The following EDNRB variants were observed in gnomAD, a reference collection of about 807,000 sequenced individuals.
EDNRB encodes the protein Hirschsprung disease 2.
EDNRB carries 18 observed loss-of-function variants against 46.4 expected under a neutral mutation model. The observed-to-expected ratio is 0.39, with a 90% CI of 0.27 to 0.57. EDNRB has a LOEUF of 0.57. Among genes scored for constraint, EDNRB ranks in the 20% least tolerant of loss-of-function variants. The probability of loss-of-function intolerance (pLI) is 0.61; values close to 1 mark genes in which losing one functional copy is unlikely to be tolerated. For synonymous variants in EDNRB, 213 were observed against 204.9 expected (o/e 1.04, Z -0.34); for missense variants, 434 against 537.5 (o/e 0.81, Z 1.90).
At chr13:77,904,564 T>C (rs1879175716) in intron 1 of EDNRB, among the ~76,000 whole-genome samples, 1 of 152,088 alleles carries the variant, frequency 6.6e-6, no homozygotes, top group South Asian at 2.1e-4. Flanking sequence ...GAAGACATAG[T>C]TATTGCTATT....
intron 1 of EDNRB, among the ~76,000 whole-genome samples, chr13:77,941,690 T>G (rs1396898426): frequency 2.2e-4 from 7 of 31,376 alleles, no homozygotes; most frequent in Non-Finnish European, 4.5e-4. Context: ...GGATGAGGAG[T>G]GGTGGTGATG....
At chr13:77,902,632 T>C (rs967880638) in intron 3 of EDNRB, among the ~76,000 whole-genome samples, 1 of 151,894 alleles carries the variant, frequency 6.6e-6, no homozygotes, top group African/African-American at 2.4e-5. Flanking sequence ...CTGCTCTTTT[T>C]AAAATAGCCA....
intron 1 of EDNRB, among the ~76,000 whole-genome samples, chr13:77,948,748 T>C (rs942083361): frequency 3.3e-5 from 5 of 152,214 alleles, no homozygotes; most frequent in African/African-American, 9.7e-5. Context: ...TCAAGACTTG[T>C]AGCGTCCCTT....
Position 77,896,797 on chromosome 13 carries a change from T to C in EDNRB, c.*1403A>G. The C allele has an allele frequency of 7.9e-7, 1 of 1,264,198 alleles. No individual in the cohort carries two copies. Among genetic ancestry groups the C allele is most frequent in the Non-Finnish European group, 1.0e-6 (1 of 1,002,352 alleles). The allele number at this position is 1,264,198 out of a possible 1,614,324, so 78.3% of individuals were successfully genotyped here. ...ATTTCCTCTCTCTTCCGTTTTCTCTTGTACATACTTTCACACACATCTCAT... is the reference window on the plus strand; with the variant it reads ...ATTTCCTCTCTCTTCCGTTTTCTCTCGTACATACTTTCACACACATCTCAT... On this transcript the variant is annotated 3_prime_UTR_variant, in exon 7 of 7. Coordinates refer to ENST00000646607, the MANE Select transcript of EDNRB (RefSeq NM_001122659.3).
intron 1 of EDNRB, among the ~76,000 whole-genome samples, chr13:77,936,118 A>AG (rs1419264392): frequency 3.9e-5 from 6 of 152,120 alleles, no homozygotes; most frequent in African/African-American, 1.4e-4. Flanking sequence ...TGGGATGATA[A>AG]GGGGTGCATG....
chr13:77,897,261 A>G lies in EDNRB; in HGVS notation c.*939T>C. ...CTACATGCAGTGTATGTAGGTAAGT[A>G]TTTACAGATGACAAAACCAAACAGA... On this transcript the variant is annotated 3_prime_UTR_variant, in exon 7 of 7. Coordinates refer to ENST00000646607, the MANE Select transcript of EDNRB (RefSeq NM_001122659.3). The G allele has an allele frequency of 4.1e-6, 4 of 985,248 alleles. No homozygotes were observed. The highest frequency in any genetic ancestry group is 4.8e-6 in the Non-Finnish European group (4 of 829,866). 61.0% of individuals were successfully genotyped at this position (985,248 alleles called of 1,614,324 possible). A position where few individuals can be genotyped will look rare whatever the true frequency, so the allele number is the denominator to read the frequency against.
At chr13:77,942,579 G>A (rs1041120966) in intron 1 of EDNRB, among the ~76,000 whole-genome samples, 1 of 152,070 alleles carries the variant, frequency 6.6e-6, no homozygotes, top group African/African-American at 2.4e-5. Context: ...TAAGGGAGAC[G>A]ATTTGAATCA....
rs749769388 is a variant in EDNRB, at chr13:77,899,842, T to C, written c.1194+17A>G. ...GCCATATTACAAAGAGCTTTTTATT[T>C]TGGGATAGTCTCTTACCTTAAAGCA... On this transcript the variant is annotated intron_variant, in intron 6 of 6. Coordinates refer to ENST00000646607, the MANE Select transcript of EDNRB (RefSeq NM_001122659.3). 1.1e-5 allele frequency: 17 copies of C among 1,590,608 alleles called. No homozygotes were observed. The highest frequency in any genetic ancestry group is 2.2e-5 in the South Asian group (2 of 90,540).
intron 1 of EDNRB, among the ~76,000 whole-genome samples, chr13:77,912,560 C>T (rs76376556): frequency 6.6e-6 from 1 of 152,072 alleles, no homozygotes; most frequent in Non-Finnish European, 1.5e-5. Context: ...GCCCACTACT[C>T]TTATGTCTTC....
intron 1 of EDNRB, among the ~76,000 whole-genome samples, chr13:77,943,041 A>G: frequency 6.6e-6 from 1 of 152,158 alleles, no homozygotes; most frequent in East Asian, 1.9e-4. Context: ...TCAGTCTAAA[A>G]TAGAAATCAA....
At chr13:77,953,185 A>C (rs889036707) in intron 1 of EDNRB, among the ~76,000 whole-genome samples, 1 of 152,210 alleles carries the variant, frequency 6.6e-6, no homozygotes, top group Non-Finnish European at 1.5e-5. Context: ...TTTAGATTTA[A>C]TGCCAAAAAC....
At chr13:77,919,626 C>G, upstream of EDNRB, 1 of 1,591,874 alleles carries the variant, frequency 6.3e-7, no homozygotes, top group Non-Finnish European at 8.6e-7. Context: ...TCATCCCTTC[C>G]CATCAATCAC....
At chr13:77,967,733 A>C (rs918863742) in intron 1 of EDNRB, among the ~76,000 whole-genome samples, 1 of 152,224 alleles carries the variant, frequency 6.6e-6, no homozygotes. Context: ...TAGTATTATC[A>C]GTTGACACAC....
chr13:77,916,598 A>G (rs139639914), intron 1 of EDNRB, among the ~76,000 whole-genome samples: 2 of 152,306 alleles, frequency 1.3e-5, no homozygotes, highest in Non-Finnish European at 2.9e-5. Flanking sequence ...CCCTTAAAAT[A>G]TAGCTATTGG....
intron 1 of EDNRB, among the ~76,000 whole-genome samples, chr13:77,945,884 A>AC (rs981927808): frequency 4.0e-5 from 6 of 151,618 alleles, no homozygotes; most frequent in South Asian, 2.1e-4. Context: ...ACCAAAAAAA[A>AC]AAAAAAAAAC....
chr13:77,905,173 G>A (rs1386699634), intron 1 of EDNRB, among the ~76,000 whole-genome samples: 1 of 151,870 alleles, frequency 6.6e-6, no homozygotes, highest in Non-Finnish European at 1.5e-5. Context: ...AGTCATTGGT[G>A]TCAGGAAGAT....
Position 77,918,541 on chromosome 13 carries a change from G to A in EDNRB, c.33C>T (p.Ala11=), listed in dbSNP as rs1238641118. The change falls in exon 1 of 7, where the codon GCC becomes GCT. Residue 11 remains alanine, a synonymous_variant. Transcript: ENST00000646607. The surrounding 1 kb of genome is among the most constrained non-coding windows in gnomAD (Gnocchi z 4.5). The part of the protein sequence containing the change: MQPPPSLCGR[A]LVALVLACGL... ...CGCAGGCAAGAACCAGCGCAACCAG[G>A]GCGCGTCCGCACAGACTTGGAGGCG... 1.3e-5 allele frequency: 21 copies of A among 1,596,180 alleles called. No individual in the cohort carries two copies. Among genetic ancestry groups the A allele is most frequent in the Non-Finnish European group, 1.8e-5 (21 of 1,173,936 alleles).
At chr13:77,916,107 T>C (rs1879795703) in intron 1 of EDNRB, among the ~76,000 whole-genome samples, 1 of 152,208 alleles carries the variant, frequency 6.6e-6, no homozygotes, top group Non-Finnish European at 1.5e-5. Flanking sequence ...GCACTTCAGC[T>C]ACTGTCTGAT....
At chr13:77,969,516 G>T (rs530504875) in intron 1 of EDNRB, among the ~76,000 whole-genome samples, 2 of 152,230 alleles carry the variant, frequency 1.3e-5, no homozygotes, top group African/African-American at 4.8e-5. Flanking sequence ...GGTAGTTTGG[G>T]TCTGAGAAAG....
Sources: allele counts gnomAD v4.1 joint callset (sites outside exome capture counted in the v4.1 genomes callset), GRCh38; gene constraint gnomAD v4.1.1; non-coding constraint Gnocchi (gnomAD v3.1); transcripts MANE v1.5; gene names NCBI Gene and HGNC (gene_info 2026-07-23, HGNC 2026-07-21).